ABHD12: variants seen among roughly 807,000 people sequenced by gnomAD.
ABHD12 encodes lysophosphatidylserine lipase ABHD12.
A neutral mutation model predicts 58.3 loss-of-function variants in ABHD12; 43 were observed. The ratio of observed to expected loss-of-function variants is 0.74; its 90% CI spans 0.58 to 0.95. The LOEUF (loss-of-function observed/expected upper bound fraction) is 0.95. ABHD12 is among the 40% of genes least tolerant of loss of function. The pLI, the probability that ABHD12 is intolerant of heterozygous loss-of-function variation, is 0.00. For synonymous variants in ABHD12, 219 were observed against 211.2 expected, an observed-to-expected ratio of 1.04 and a Z score of -0.32; for missense variants, 539 against 537.2, an observed-to-expected ratio of 1.00 and a Z score of -0.03.
At chr20:25,368,779 A>G in intron 1 of ABHD12, 1 of 811,962 alleles carries the variant, frequency 1.2e-6, no homozygotes. Context: ...CTGATAGTAC[A>G]GGGCTCCCAG....
chr20:25,374,845 G>C (rs1189905273), intron 1 of ABHD12, among the ~76,000 whole-genome samples: 2 of 152,162 alleles, frequency 1.3e-5, no homozygotes, highest in African/African-American at 2.4e-5. Flanking sequence ...GTGCGTGTCA[G>C]TACTCAGTCG....
At chr20:25,361,404 G>GTT (rs58644494) in intron 1 of ABHD12, among the ~76,000 whole-genome samples, 7 of 150,950 alleles carry the variant, frequency 4.6e-5, no homozygotes, top group African/African-American at 1.7e-4. Flanking sequence ...CGTGTTTTTT[G>GTT]TTTTTTTTTG....
In ABHD12 at chr20:25,300,638, C is replaced by G; in HGVS notation, c.*207G>C. On this transcript the variant is annotated 3_prime_UTR_variant, in exon 13 of 13. Transcript: ENST00000339157. ...AGGAGAGCCACATGCCTGCCACCCA[C>G]GCTTTCCACACAGCCATGCTCAGGC... 6.9e-7 allele frequency: 1 copy of G among 1,458,380 alleles called. No homozygotes were observed. The highest frequency in any genetic ancestry group is 2.5e-5 in the East Asian group (1 of 40,074). The allele number at this position is 1,458,380 out of a possible 1,614,324, so 90.3% of individuals were successfully genotyped here. A position where few individuals can be genotyped will look rare whatever the true frequency, so the allele number is the denominator to read the frequency against.
chr20:25,372,037 T>G (rs2089905696), intron 1 of ABHD12, among the ~76,000 whole-genome samples: 1 of 152,178 alleles, frequency 6.6e-6, no homozygotes. Flanking sequence ...GATCTTTCTC[T>G]GTCACCTAGG....
chr20:25,307,599 G>A (rs986760942), intron 9 of ABHD12, among the ~76,000 whole-genome samples: 1 of 152,242 alleles, frequency 6.6e-6, no homozygotes. Flanking sequence ...AGACTCCCTG[G>A]TCCACACAGT....
intron 1 of ABHD12, among the ~76,000 whole-genome samples, chr20:25,348,380 T>C (rs1025784587): frequency 4.3e-5 from 6 of 140,312 alleles, no homozygotes; most frequent in Non-Finnish European, 7.7e-5. Flanking sequence ...TTATTTTTAA[T>C]AAAGAATACT....
chr20:25,320,086 T>A, intron 4 of ABHD12, 113 bp downstream of exon 4: 1 of 1,502,930 alleles, frequency 6.7e-7, no homozygotes, highest in Non-Finnish European at 9.0e-7. Context: ...GTACACCCAA[T>A]TTTGTGGGAC....
chr20:25,367,735 A>G (rs1015999588), intron 1 of ABHD12, among the ~76,000 whole-genome samples: 1 of 152,222 alleles, frequency 6.6e-6, no homozygotes, highest in Non-Finnish European at 1.5e-5. Flanking sequence ...ATGTTGTAGC[A>G]TATTTCAGAA....
intron 2 of ABHD12, among the ~76,000 whole-genome samples, chr20:25,326,091 AAAAG>A (rs1200241074): frequency 6.7e-6 from 1 of 150,036 alleles, no homozygotes; most frequent in Non-Finnish European, 1.5e-5. Context: ...AAGAAAAGAA[AAAAG>A]AAAGGAAAGA....
chr20:25,334,186 A>G (rs2089324308), intron 2 of ABHD12, among the ~76,000 whole-genome samples: 1 of 151,162 alleles, frequency 6.6e-6, no homozygotes, highest in African/African-American at 2.5e-5. Context: ...CCAAATCATG[A>G]GTGAACTCCC....
At chr20:25,343,476 T>C (rs6115151) in intron 1 of ABHD12, among the ~76,000 whole-genome samples, 14,291 of 152,216 alleles carry the variant, frequency 0.094, 724 homozygotes, top group Non-Finnish European at 0.11. Flanking sequence ...GGCTCCAGCC[T>C]AGGAGTTCAA....
chr20:25,383,636 TGG>T (rs1422096797), intron 1 of ABHD12, among the ~76,000 whole-genome samples: 1 of 152,128 alleles, frequency 6.6e-6, no homozygotes, highest in Non-Finnish European at 1.5e-5. Flanking sequence ...CTGGCCAATA[TGG>T]TGAAACCCCG....
chr20:25,323,906 C>G (rs1034034318), intron 2 of ABHD12, among the ~76,000 whole-genome samples: 7 of 152,102 alleles, frequency 4.6e-5, no homozygotes, highest in Non-Finnish European at 8.8e-5. Flanking sequence ...GCTGCAGGAC[C>G]TGATGACCAA....
At chr20:25,326,624 G>T (rs1186705205) in intron 2 of ABHD12, among the ~76,000 whole-genome samples, 1 of 152,160 alleles carries the variant, frequency 6.6e-6, no homozygotes, top group Non-Finnish European at 1.5e-5. Flanking sequence ...TGCACTTTAT[G>T]CAAATAATCA....
intron 2 of ABHD12, among the ~76,000 whole-genome samples, chr20:25,327,039 C>A (rs936792241): frequency 6.6e-6 from 1 of 152,228 alleles, no homozygotes; most frequent in African/African-American, 2.4e-5. Flanking sequence ...CAGAATGTTG[C>A]AAAGTGGTTC....
intron 1 of ABHD12, among the ~76,000 whole-genome samples, chr20:25,345,028 T>C (rs190730895): frequency 6.7e-6 from 1 of 150,270 alleles, no homozygotes; most frequent in Admixed American, 6.6e-5. Context: ...CAGAAAACTA[T>C]AAAACTCCTA....
At chr20:25,298,924 C>G (rs539076812), downstream of ABHD12, among the ~76,000 whole-genome samples, 30 of 152,124 alleles carry the variant, frequency 2.0e-4, no homozygotes, top group Admixed American at 1.2e-3. Flanking sequence ...AAGGTGGTGC[C>G]CTGGGAGTCT....
intron 6 of ABHD12, among the ~76,000 whole-genome samples, chr20:25,312,974 C>T (rs2088888521): frequency 6.6e-6 from 1 of 150,500 alleles, no homozygotes; most frequent in South Asian, 2.1e-4. Flanking sequence ...GGGGGCCAGC[C>T]CCCGACCGGC....
rs944446095 is a variant in ABHD12, at chr20:25,323,315, T to A, written c.422+10A>T. Reference sequence around the variant, plus strand: ...CTGCTGGAGGGGCTGCAGAGCTCACTGGCACTCACCAGACTCCAATGGTCA... The same window carrying A: ...CTGCTGGAGGGGCTGCAGAGCTCACAGGCACTCACCAGACTCCAATGGTCA... On this transcript the variant is annotated intron_variant, in intron 3 of 12. Coordinates refer to ENST00000339157, the MANE Select transcript of ABHD12 (RefSeq NM_001042472.3). 1 of 1,590,320 alleles carries A rather than the reference T, an allele frequency of 6.3e-7. No homozygotes were observed. The highest frequency in any genetic ancestry group is 1.7e-5 in the Admixed American group (1 of 59,996).
Sources: allele counts gnomAD v4.1 joint callset (sites outside exome capture counted in the v4.1 genomes callset), GRCh38; gene constraint gnomAD v4.1.1; transcripts MANE v1.5; gene names NCBI Gene and HGNC (gene_info 2026-07-23, HGNC 2026-07-21).